PRKG1: variants seen among roughly 807,000 people sequenced by gnomAD.
The protein encoded by PRKG1 is cGMP-dependent protein kinase 1.
In PRKG1, 35 loss-of-function variants were observed where a neutral mutation model predicts 88.1. That is an observed-to-expected ratio of 0.40 (90% CI 0.30 to 0.53). The LOEUF is 0.53. Among genes scored for constraint, PRKG1 ranks in the 20% least tolerant of loss-of-function variants. The pLI, the probability that PRKG1 is intolerant of heterozygous loss-of-function variation, is 0.59. For missense variants in PRKG1, 540 were observed against 839.8 expected, an observed-to-expected ratio of 0.64 and a Z score of 4.41; for synonymous variants, 303 against 292.5, an observed-to-expected ratio of 1.04 and a Z score of -0.37.
intron 3 of PRKG1, among the ~76,000 whole-genome samples, chr10:51,699,991 T>C (rs929968805): frequency 1.8e-4 from 27 of 152,274 alleles, no homozygotes; most frequent in Non-Finnish European, 2.8e-4. Context: ...TAAGGCGGCG[T>C]GTTTTTCGTT....
chr10:52,290,548 TAA>T (rs1304518628), intron 17 of PRKG1, among the ~76,000 whole-genome samples: 2 of 152,166 alleles, frequency 1.3e-5, no homozygotes, highest in African/African-American at 2.4e-5. Context: ...TTTATGAACA[TAA>T]GTTAATTTTT....
intron 3 of PRKG1, among the ~76,000 whole-genome samples, chr10:51,643,913 C>G (rs1286584535): frequency 6.6e-6 from 1 of 152,190 alleles, no homozygotes; most frequent in Non-Finnish European, 1.5e-5. Context: ...CCAGTCATGA[C>G]TAATCCTGCC....
At chr10:51,486,113 G>A (rs1442561522) in intron 3 of PRKG1, among the ~76,000 whole-genome samples, 2 of 151,776 alleles carry the variant, frequency 1.3e-5, no homozygotes, top group Non-Finnish European at 2.9e-5. Context: ...TATTATTTTT[G>A]TTTGCGATAA....
At chr10:51,782,371 C>T (rs1269973720) in intron 3 of PRKG1, among the ~76,000 whole-genome samples, 1 of 152,088 alleles carries the variant, frequency 6.6e-6, no homozygotes, top group Admixed American at 6.6e-5. Context: ...CATCAGACCC[C>T]TTTCTTTGTG....
intron 3 of PRKG1, among the ~76,000 whole-genome samples, chr10:51,699,980 T>G (rs571273971): frequency 1.3e-5 from 2 of 152,264 alleles, no homozygotes; most frequent in Non-Finnish European, 2.9e-5. Context: ...GAAAGCGGAT[T>G]TAAGGCGGCG....
At chr10:52,052,803 A>G (rs1846022137) in intron 5 of PRKG1, among the ~76,000 whole-genome samples, 1 of 152,108 alleles carries the variant, frequency 6.6e-6, no homozygotes, top group African/African-American at 2.4e-5. Flanking sequence ...TGTGGGAATT[A>G]TGAAAGCTAC....
rs1269734941 is a variant in PRKG1, at chr10:52,024,325, TTTATTC to T, written c.763-30156_763-30151del. On this transcript the variant is annotated intron_variant, in intron 5 of 17. Transcript: ENST00000373980. ...TTTATTTATTTATTTAACTTTTTTT[TTTATTC>T]TTTTTTTTATTATTATACTTTAAGT... 2.5e-3 allele frequency among the ~76,000 whole-genome samples: 373 copies of T among 150,462 alleles called. 2 individuals are homozygous for T. The highest frequency in any genetic ancestry group is 8.7e-3 in the African/African-American group (348 of 40,224).
In PRKG1 at chr10:51,835,277, C is replaced by A. The variant is rs1029455558; in HGVS notation, c.698+30587C>A. The stretch of plus-strand genomic sequence containing the variant: ...CTGTTTTGAAGAAGATTCTCCCCTC[C>A]TTCCATTTCACCAAGACAGTGACTT... On this transcript the variant is annotated intron_variant, in intron 4 of 17. Transcript: ENST00000373980. Among the ~76,000 whole-genome samples the A allele has an allele frequency of 2.0e-5, 3 of 152,296 alleles. No individual in the cohort carries two copies. In the East Asian group the frequency reaches 5.8e-4, roughly 29 times the overall value.
At chr10:52,256,713 C>T (rs1352007184) in intron 10 of PRKG1, among the ~76,000 whole-genome samples, 2 of 139,634 alleles carry the variant, frequency 1.4e-5, no homozygotes, top group African/African-American at 5.0e-5. Flanking sequence ...GTATTTTACT[C>T]TTTTCTTTTC....
At chr10:52,010,162 A>G (rs1251722981) in intron 5 of PRKG1, among the ~76,000 whole-genome samples, 1 of 152,144 alleles carries the variant, frequency 6.6e-6, no homozygotes, top group East Asian at 1.9e-4. Flanking sequence ...AAAAATCAAA[A>G]ATTGGCAACT....
At chr10:51,120,174 C>A (rs1442569744) in intron 1 of PRKG1, among the ~76,000 whole-genome samples, 1 of 152,074 alleles carries the variant, frequency 6.6e-6, no homozygotes, top group African/African-American at 2.4e-5. Context: ...AATTTAGAAG[C>A]TTAGTAAAAT....
At chr10:51,965,053 A>G (rs10823927) in intron 5 of PRKG1, among the ~76,000 whole-genome samples, 32,224 of 152,182 alleles carry the variant, frequency 0.21, 4,068 homozygotes, top group East Asian at 0.48. Flanking sequence ...TGGAATAAAC[A>G]GAATAAATTA....
chr10:51,042,473 T>C (rs776830001), intron 1 of PRKG1, among the ~76,000 whole-genome samples: 2 of 152,204 alleles, frequency 1.3e-5, no homozygotes, highest in South Asian at 2.1e-4. Flanking sequence ...CTTTCATTTC[T>C]CTGAATGAGC....
chr10:51,597,891 C>T (rs1297183341), intron 3 of PRKG1, among the ~76,000 whole-genome samples: 2 of 152,074 alleles, frequency 1.3e-5, no homozygotes, highest in African/African-American at 4.8e-5. Context: ...CCAGATTCCT[C>T]CAAAAATTGC....
At chr10:51,562,482 TACGTGTGCA>T (rs1837492719) in intron 3 of PRKG1, among the ~76,000 whole-genome samples, 2 of 152,136 alleles carry the variant, frequency 1.3e-5, no homozygotes, top group African/African-American at 4.8e-5. Context: ...AATCCATAGA[TACGTGTGCA>T]TCTTTGTGTT....
intron 3 of PRKG1, among the ~76,000 whole-genome samples, chr10:51,679,667 A>G (rs1277710298): frequency 6.8e-6 from 1 of 147,562 alleles, no homozygotes; most frequent in Non-Finnish European, 1.5e-5. Flanking sequence ...TAGTTCTGTG[A>G]TAGTGAGGCA....
intron 1 of PRKG1, among the ~76,000 whole-genome samples, chr10:51,152,930 C>G (rs1333952424): frequency 6.8e-6 from 1 of 146,816 alleles, no homozygotes; most frequent in African/African-American, 2.5e-5. Flanking sequence ...GTTGGTAGGT[C>G]ACTTATTCAT....
intron 2 of PRKG1, among the ~76,000 whole-genome samples, chr10:51,387,161 G>A (rs1056989093): frequency 6.6e-6 from 1 of 151,948 alleles, no homozygotes; most frequent in African/African-American, 2.4e-5. Flanking sequence ...GAACTAATAA[G>A]TGGCTGAACA....
chr10:51,344,724 A>G (rs1842076908), intron 2 of PRKG1, among the ~76,000 whole-genome samples: 1 of 152,150 alleles, frequency 6.6e-6, no homozygotes, highest in African/African-American at 2.4e-5. Context: ...GAGAAGGTTC[A>G]TGATATTACT....
Sources: gnomAD v4.1 joint callset for allele counts (sites outside exome capture counted in the v4.1 genomes callset) on GRCh38, gnomAD v4.1.1 for gene constraint, MANE v1.5 for transcripts, NCBI Gene and HGNC (gene_info 2026-07-23, HGNC 2026-07-21) for gene names.